The following CTNNA3 variants were observed in gnomAD, a reference collection of about 807,000 sequenced individuals.
CTNNA3 encodes the protein catenin alpha 3.
A neutral mutation model predicts 95.7 loss-of-function variants in CTNNA3; 76 were observed. That is an observed-to-expected ratio of 0.79 (90% CI 0.66 to 0.96). The LOEUF (loss-of-function observed/expected upper bound fraction) is 0.96, where lower values mean the gene tolerates loss of function less well. Ranked by LOEUF, CTNNA3 falls within the 40% of genes least tolerant of loss-of-function variation. The pLI, the probability that CTNNA3 is intolerant of heterozygous loss-of-function variation, is 0.00. For synonymous variants in CTNNA3, 431 were observed against 374.4 expected (o/e 1.15, Z -1.74); for missense variants, 1,191 against 1,089.8 (o/e 1.09, Z -1.31).
At chr10:67,182,893 C>T (rs1319613258) in intron 6 of CTNNA3, among the ~76,000 whole-genome samples, 1 of 152,170 alleles carries the variant, frequency 6.6e-6, no homozygotes, top group East Asian at 1.9e-4. Flanking sequence ...TGAACAGACA[C>T]TTCTCAAAAG....
intron 1 of CTNNA3, among the ~76,000 whole-genome samples, chr10:67,671,904 T>G (rs1840442812): frequency 6.6e-6 from 1 of 152,050 alleles, no homozygotes; most frequent in Non-Finnish European, 1.5e-5. Context: ...CAAATGGTAT[T>G]TGTAGTTCTA....
At chr10:66,282,446 A>G (rs2091510031) in intron 12 of CTNNA3, among the ~76,000 whole-genome samples, 1 of 151,704 alleles carries the variant, frequency 6.6e-6, no homozygotes, top group African/African-American at 2.4e-5. Flanking sequence ...CCTTTACCAT[A>G]TTCTATGTTG....
intron 11 of CTNNA3, among the ~76,000 whole-genome samples, chr10:66,451,858 G>A (rs540942178): frequency 1.1e-4 from 16 of 152,276 alleles, no homozygotes; most frequent in African/African-American, 3.6e-4. Flanking sequence ...CATCCCGACA[G>A]GGCCAAACTC....
At chr10:66,684,693 A>G (rs930894138) in intron 9 of CTNNA3, among the ~76,000 whole-genome samples, 1 of 152,158 alleles carries the variant, frequency 6.6e-6, no homozygotes, top group Non-Finnish European at 1.5e-5. Flanking sequence ...TTTGTAGGAC[A>G]TAGATTTAGG....
chr10:66,442,704 C>A (rs1475249063), intron 11 of CTNNA3, among the ~76,000 whole-genome samples: 1 of 152,166 alleles, frequency 6.6e-6, no homozygotes. Flanking sequence ...ATAGGAACAG[C>A]TCCGGTCTAC....
intron 13 of CTNNA3, among the ~76,000 whole-genome samples, chr10:66,256,061 C>T (rs2090759061): frequency 6.6e-6 from 1 of 152,128 alleles, no homozygotes; most frequent in African/African-American, 2.4e-5. Context: ...CAACACCAGG[C>T]CACCAATGTT....
rs1302038763 is a variant in CTNNA3, at chr10:65,913,802, T to TC, written c.*6527dup. 1 of 152,038 alleles carries TC rather than the reference T, an allele frequency of 6.6e-6. No homozygotes were observed. The highest frequency in any genetic ancestry group is 1.5e-5 in the Non-Finnish European group (1 of 67,996). The allele number at this position is 152,038 out of a possible 1,614,324, so 9.4% of individuals were successfully genotyped here. A position where few individuals can be genotyped will look rare whatever the true frequency, so the allele number is the denominator to read the frequency against. On this transcript the variant is annotated 3_prime_UTR_variant, in exon 18 of 18. Transcript: ENST00000433211. ...GTGTTAAAAGCCCAGGTCAAGGAAA[T>TC]CCCTTAGTAGAAGCTCAACTCTCAG...
At chr10:66,804,340 C>T (rs1157439169) in intron 7 of CTNNA3, among the ~76,000 whole-genome samples, 4 of 151,818 alleles carry the variant, frequency 2.6e-5, no homozygotes, top group African/African-American at 9.7e-5. Flanking sequence ...CTCCAGCTGC[C>T]CCAGTGCCTC....
chr10:66,139,887 G>C (rs746116286), intron 13 of CTNNA3, among the ~76,000 whole-genome samples: 2 of 152,128 alleles, frequency 1.3e-5, no homozygotes, highest in African/African-American at 2.4e-5. Context: ...CTTTGCCTTC[G>C]TCCGGTTCTC....
At chr10:66,725,672 T>G (rs746704919) in intron 9 of CTNNA3, among the ~76,000 whole-genome samples, 5 of 152,114 alleles carry the variant, frequency 3.3e-5, no homozygotes, top group African/African-American at 7.2e-5. Context: ...ATGGCAGATA[T>G]GAAGATTCAA....
At chr10:67,750,136 A>T in intron 1 of CTNNA3, 1 of 811,046 alleles carries the variant, frequency 1.2e-6, no homozygotes. Context: ...CAGACACACC[A>T]TCTTTAAGAG....
intron 2 of CTNNA3, among the ~76,000 whole-genome samples, chr10:67,642,923 A>G (rs538729494): frequency 0.12 from 17,686 of 148,202 alleles, 1,980 homozygotes; most frequent in African/African-American, 0.29. Flanking sequence ...CGATTTCTCA[A>G]AGACCTAGAT....
chr10:67,466,356 T>C (rs970710397), intron 5 of CTNNA3, among the ~76,000 whole-genome samples: 1 of 152,200 alleles, frequency 6.6e-6, no homozygotes, highest in South Asian at 2.1e-4. Context: ...AACCCAGCAA[T>C]AGCTTTCTAC....
chr10:66,209,620 G>A (rs772532962), intron 13 of CTNNA3, among the ~76,000 whole-genome samples: 1 of 152,048 alleles, frequency 6.6e-6, no homozygotes, highest in Non-Finnish European at 1.5e-5. Flanking sequence ...AGTAGAAAAC[G>A]CAGTCAGAGA....
chr10:66,465,225 T>G (rs1022796696), intron 11 of CTNNA3, among the ~76,000 whole-genome samples: 2 of 151,326 alleles, frequency 1.3e-5, no homozygotes, highest in South Asian at 4.1e-4. Context: ...TAACAGTGAC[T>G]GATCACCAAA....
At chr10:66,124,485 T>C (rs2082725755) in intron 13 of CTNNA3, among the ~76,000 whole-genome samples, 1 of 152,196 alleles carries the variant, frequency 6.6e-6, no homozygotes, top group Non-Finnish European at 1.5e-5. Flanking sequence ...CATTTCAACC[T>C]CTTCCTGTTA....
At chr10:66,454,269 T>G (rs1190488072) in intron 11 of CTNNA3, among the ~76,000 whole-genome samples, 3 of 152,190 alleles carry the variant, frequency 2.0e-5, no homozygotes, top group Middle Eastern at 3.2e-3. Context: ...TTTAAACAAC[T>G]AAGACTGTAA....
At chr10:67,412,529 A>G (rs1284327914) in intron 5 of CTNNA3, among the ~76,000 whole-genome samples, 1 of 152,082 alleles carries the variant, frequency 6.6e-6, no homozygotes, top group South Asian at 2.1e-4. Context: ...ACTATACAAG[A>G]TGACCCTACC....
At chr10:66,184,662 G>A (rs1191729820) in intron 13 of CTNNA3, among the ~76,000 whole-genome samples, 5 of 152,078 alleles carry the variant, frequency 3.3e-5, no homozygotes, top group African/African-American at 4.8e-5. Flanking sequence ...TTGGAACAAC[G>A]TGACAATGCT....
Sources: allele counts gnomAD v4.1 joint callset (sites outside exome capture counted in the v4.1 genomes callset), GRCh38; gene constraint gnomAD v4.1.1; transcripts MANE v1.5; gene names NCBI Gene and HGNC (gene_info 2026-07-23, HGNC 2026-07-21).